Variants in SNAP91 observed in about 807,000 individuals in gnomAD.
SNAP91 encodes the protein synaptosome associated protein 91, also known as clathrin coat assembly protein AP180.
SNAP91 carries 27 observed loss-of-function variants against 100.3 expected under a neutral mutation model. The observed-to-expected ratio is 0.27, with a 90% CI of 0.20 to 0.37. SNAP91 has a LOEUF of 0.37. Among genes scored for constraint, SNAP91 ranks in the 10% least tolerant of loss-of-function variants. The pLI is 1.00. For missense variants in SNAP91, 986 were observed against 1,123.7 expected, an observed-to-expected ratio of 0.88 and a Z score of 1.75; for synonymous variants, 404 against 398.6, an observed-to-expected ratio of 1.01 and a Z score of -0.16.
At chr6:83,619,887 A>C (rs769656356) in intron 9 of SNAP91, among the ~76,000 whole-genome samples, 5 of 152,194 alleles carry the variant, frequency 3.3e-5, no homozygotes, top group Non-Finnish European at 5.9e-5. Context: ...ATTAAAACCA[A>C]ATTTAAAAAA....
chr6:83,633,683 C>A (rs926323371), intron 8 of SNAP91, among the ~76,000 whole-genome samples: 5 of 152,100 alleles, frequency 3.3e-5, no homozygotes, highest in Admixed American at 1.3e-4. Context: ...ACAGGCCTCA[C>A]TCAGCTCCCA....
intron 16 of SNAP91, among the ~76,000 whole-genome samples, chr6:83,596,448 G>T (rs1582983101): frequency 6.6e-6 from 1 of 152,096 alleles, no homozygotes; most frequent in African/African-American, 2.4e-5. Flanking sequence ...AGTCAGGTCA[G>T]TTGTTTTATT....
chr6:83,642,373 T>C (rs1242257806), intron 7 of SNAP91, among the ~76,000 whole-genome samples: 2 of 152,122 alleles, frequency 1.3e-5, no homozygotes, highest in African/African-American at 2.4e-5. Flanking sequence ...TGGTGTGTGA[T>C]GTTCCCCTTC....
intron 24 of SNAP91, among the ~76,000 whole-genome samples, chr6:83,578,165 C>T (rs533177107): frequency 2.6e-5 from 4 of 151,978 alleles, no homozygotes; most frequent in Admixed American, 1.3e-4. Flanking sequence ...TTATGAATAA[C>T]AATACTATAA....
At chr6:83,678,364 A>G (rs1479509915) in intron 2 of SNAP91, among the ~76,000 whole-genome samples, 1 of 152,094 alleles carries the variant, frequency 6.6e-6, no homozygotes, top group Non-Finnish European at 1.5e-5. Flanking sequence ...TATCCTCAGA[A>G]AAGAATAGCT....
At chr6:83,656,730 A>G (rs953711410) in intron 7 of SNAP91, 24 bp downstream of exon 7, 11 of 1,098,418 alleles carry the variant, frequency 1.0e-5, no homozygotes, top group Middle Eastern at 2.0e-4. Context: ...ATCAGCCCAG[A>G]CATGTTTCGG....
chr6:83,603,545 G>C (rs568541958), intron 14 of SNAP91, among the ~76,000 whole-genome samples: 49 of 151,304 alleles, frequency 3.2e-4, no homozygotes, highest in Non-Finnish European at 3.7e-4. Flanking sequence ...ACTGTCTTTG[G>C]TAAATCAGTG....
chr6:83,669,280 A>G lies in SNAP91; in HGVS notation c.131-3699T>C, dbSNP rs74896988. On this transcript the variant is annotated intron_variant, in intron 2 of 29. Transcript: ENST00000369694. ...ATAAGTAGTTATTATATAAGTTTCTACTTCTCTACTCTCTCACCAAAAAGA... is the reference window on the plus strand; with the variant it reads ...ATAAGTAGTTATTATATAAGTTTCTGCTTCTCTACTCTCTCACCAAAAAGA... 1.0e-2 allele frequency among the ~76,000 whole-genome samples: 1,516 copies of G among 151,886 alleles called. 22 individuals are homozygous for G. The highest frequency in any genetic ancestry group is 0.035 in the African/African-American group (1,430 of 41,334).
chr6:83,584,722 C>A (rs2128143014), intron 22 of SNAP91, among the ~76,000 whole-genome samples: 1 of 152,308 alleles, frequency 6.6e-6, no homozygotes, highest in East Asian at 1.9e-4. Context: ...ATCCTTATAA[C>A]AACCCCATGA....
At chr6:83,665,848 G>A (rs936617690) in intron 2 of SNAP91, among the ~76,000 whole-genome samples, 3 of 151,706 alleles carry the variant, frequency 2.0e-5, no homozygotes, top group African/African-American at 7.3e-5. Flanking sequence ...CTGTTTGCTG[G>A]TACTTATGCC....
At chr6:83,702,041 T>C (rs2099319562) in intron 2 of SNAP91, among the ~76,000 whole-genome samples, 2 of 152,174 alleles carry the variant, frequency 1.3e-5, no homozygotes, top group South Asian at 4.1e-4. Context: ...AACTCCCACA[T>C]TACATAAATG....
chr6:83,568,480 A>C (rs1194081271), intron 26 of SNAP91, among the ~76,000 whole-genome samples: 1 of 15,036 alleles, frequency 6.7e-5, no homozygotes, highest in Non-Finnish European at 1.8e-4. Context: ...TTAAAGTATA[A>C]TAATAATAAT....
intron 7 of SNAP91, among the ~76,000 whole-genome samples, chr6:83,647,707 C>A (rs1455286593): frequency 6.6e-6 from 1 of 151,996 alleles, no homozygotes; most frequent in African/African-American, 2.4e-5. Flanking sequence ...ATATTACATT[C>A]ATTTAAGGTG....
At chr6:83,687,608 TG>T (rs2099077308) in intron 2 of SNAP91, among the ~76,000 whole-genome samples, 1 of 152,016 alleles carries the variant, frequency 6.6e-6, no homozygotes, top group Admixed American at 6.6e-5. Flanking sequence ...CTGAGTGAAA[TG>T]GGGGTTACTA....
chr6:83,686,292 G>A, intron 2 of SNAP91: 1 of 565,932 alleles, frequency 1.8e-6, no homozygotes, highest in Non-Finnish European at 2.2e-6. Context: ...GCACTATTTT[G>A]GTGACATGGA....
chr6:83,691,525 C>T (rs1003464803), intron 2 of SNAP91, among the ~76,000 whole-genome samples: 1 of 152,078 alleles, frequency 6.6e-6, no homozygotes, highest in African/African-American at 2.4e-5. Context: ...TAGATCAACT[C>T]TTTTTCTAAA....
At chr6:83,579,686 G>T (rs1160693582) in intron 24 of SNAP91, among the ~76,000 whole-genome samples, 1 of 152,122 alleles carries the variant, frequency 6.6e-6, no homozygotes, top group East Asian at 1.9e-4. Context: ...TCATCTCCTG[G>T]ATGTCCCTTG....
intron 12 of SNAP91, among the ~76,000 whole-genome samples, chr6:83,608,721 TCAGAAATTTA>T (rs958403831): frequency 1.6e-4 from 24 of 151,422 alleles, no homozygotes; most frequent in African/African-American, 4.8e-4. Context: ...ACTGAGGAGA[TCAGAAATTTA>T]CAGAAATTTA....
At chr6:83,573,646 C>T (rs1362959431) in intron 26 of SNAP91, among the ~76,000 whole-genome samples, 1 of 152,100 alleles carries the variant, frequency 6.6e-6, no homozygotes, top group Admixed American at 6.5e-5. Context: ...GAACTAATGC[C>T]ACATATCTAC....
Sources: gnomAD v4.1 joint callset for allele counts (sites outside exome capture counted in the v4.1 genomes callset) on GRCh38, gnomAD v4.1.1 for gene constraint, MANE v1.5 for transcripts, NCBI Gene and HGNC (gene_info 2026-07-23, HGNC 2026-07-21) for gene names.